The following PITPNC1 variants were observed in gnomAD, a reference collection of about 807,000 sequenced individuals.
The protein encoded by PITPNC1 is phosphatidylinositol transfer protein cytoplasmic 1.
A neutral mutation model predicts 44.7 loss-of-function variants in PITPNC1; 18 were observed. The observed-to-expected ratio is 0.40, with a 90% CI of 0.28 to 0.60. The LOEUF (loss-of-function observed/expected upper bound fraction) is 0.60. PITPNC1 is among the 20% of genes least tolerant of loss of function. The pLI is 0.39. For missense variants in PITPNC1, 290 were observed against 418.4 expected (o/e 0.69, Z 2.68); for synonymous variants, 141 against 149.6 (o/e 0.94, Z 0.42).
intron 1 of PITPNC1, among the ~76,000 whole-genome samples, chr17:67,521,089 G>T: frequency 6.6e-6 from 1 of 151,522 alleles, no homozygotes; most frequent in East Asian, 2.0e-4. Context: ...GCTCCTCCAT[G>T]GTCAAGTACC....
chr17:67,696,626 T>TAAC lies in PITPNC1; in HGVS notation c.*3739_*3741dup, dbSNP rs1219540390. 1 of 152,236 alleles carries TAAC rather than the reference T, an allele frequency of 6.6e-6. No homozygotes were observed. Among genetic ancestry groups the TAAC allele is most frequent in the Non-Finnish European group, 1.5e-5 (1 of 68,032 alleles). The allele number at this position is 152,236 out of a possible 1,614,324, so 9.4% of individuals were successfully genotyped here. A position where few individuals can be genotyped will look rare whatever the true frequency, so the allele number is the denominator to read the frequency against. On this transcript the variant is annotated 3_prime_UTR_variant, in exon 9 of 9. Transcript: ENST00000581322. The stretch of plus-strand genomic sequence containing the variant: ...CAATCTGATTATGAATAAACTATTT[T>TAAC]AACTATTCATTCTTGCTGAAACTGA...
At chr17:67,536,182 T>C (rs1349002644) in intron 2 of PITPNC1, among the ~76,000 whole-genome samples, 1 of 152,100 alleles carries the variant, frequency 6.6e-6, no homozygotes, top group Non-Finnish European at 1.5e-5. Flanking sequence ...ACACAGAAGA[T>C]GGGAGGGTAA....
intron 7 of PITPNC1, among the ~76,000 whole-genome samples, chr17:67,672,968 C>T (rs1409488128): frequency 1.3e-5 from 2 of 152,034 alleles, no homozygotes; most frequent in Non-Finnish European, 2.9e-5. Context: ...GGTTTCCAGC[C>T]GACAGCTGTG....
chr17:67,552,020 G>C (rs1257896659), intron 2 of PITPNC1, among the ~76,000 whole-genome samples: 1 of 152,202 alleles, frequency 6.6e-6, no homozygotes, highest in Non-Finnish European at 1.5e-5. Flanking sequence ...CTGACAGTCT[G>C]ATGGAGTCCC....
At chr17:67,578,508 G>A (rs956784579) in intron 5 of PITPNC1, among the ~76,000 whole-genome samples, 1 of 152,194 alleles carries the variant, frequency 6.6e-6, no homozygotes, top group Non-Finnish European at 1.5e-5. Context: ...CTGACCTGGG[G>A]TGATTGTCAT....
intron 1 of PITPNC1, among the ~76,000 whole-genome samples, chr17:67,528,611 A>G (rs2040420535): frequency 6.6e-6 from 1 of 152,202 alleles, no homozygotes; most frequent in Admixed American, 6.5e-5. Flanking sequence ...ATAAAGGAGG[A>G]AAAAAGAAAC....
chr17:67,664,166 T>C (rs1359022648), intron 6 of PITPNC1, among the ~76,000 whole-genome samples: 3 of 152,174 alleles, frequency 2.0e-5, no homozygotes, highest in Admixed American at 1.3e-4. Context: ...GGTTTCACCA[T>C]ATTGGTCAGG....
chr17:67,453,864 T>C (rs1193227353), intron 1 of PITPNC1, among the ~76,000 whole-genome samples: 3 of 152,216 alleles, frequency 2.0e-5, no homozygotes, highest in Non-Finnish European at 2.9e-5. Context: ...TGATATGCAG[T>C]GGTCTTCCCT....
At chr17:67,579,979 G>T (rs1253441889) in intron 5 of PITPNC1, among the ~76,000 whole-genome samples, 1 of 151,864 alleles carries the variant, frequency 6.6e-6, no homozygotes, top group Non-Finnish European at 1.5e-5. Context: ...CAAACTTGGA[G>T]AATGCAAAAA....
At chr17:67,446,959 G>A (rs747208672) in intron 1 of PITPNC1, among the ~76,000 whole-genome samples, 14 of 151,536 alleles carry the variant, frequency 9.2e-5, no homozygotes, top group Middle Eastern at 3.4e-3. Context: ...GTATGGTGGC[G>A]GGCACCTGTA....
intron 1 of PITPNC1, among the ~76,000 whole-genome samples, chr17:67,409,359 C>T (rs1048327872): frequency 5.9e-5 from 9 of 152,060 alleles, no homozygotes; most frequent in Admixed American, 3.9e-4. Context: ...GCTGGGATTA[C>T]AGGCGTGAGC....
At chr17:67,469,220 C>G (rs2039476744) in intron 1 of PITPNC1, among the ~76,000 whole-genome samples, 1 of 152,132 alleles carries the variant, frequency 6.6e-6, no homozygotes, top group South Asian at 2.1e-4. Context: ...CAGAAACTGT[C>G]TGGGTTCCTG....
At chr17:67,595,284 T>C (rs2041445362) in intron 5 of PITPNC1, among the ~76,000 whole-genome samples, 1 of 152,094 alleles carries the variant, frequency 6.6e-6, no homozygotes, top group Non-Finnish European at 1.5e-5. Flanking sequence ...CTGGCTGGCT[T>C]CCTAATAATG....
At chr17:67,666,972 G>T (rs1160685220) in intron 6 of PITPNC1, among the ~76,000 whole-genome samples, 1 of 152,204 alleles carries the variant, frequency 6.6e-6, no homozygotes, top group Non-Finnish European at 1.5e-5. Context: ...ACACAGTCTG[G>T]TCTGCATTAA....
At chr17:67,656,382 G>A (rs2042268049) in intron 6 of PITPNC1, among the ~76,000 whole-genome samples, 1 of 152,078 alleles carries the variant, frequency 6.6e-6, no homozygotes, top group African/African-American at 2.4e-5. Flanking sequence ...TCTCCTCTGT[G>A]TCTTCTCCTC....
chr17:67,600,382 C>T (rs927604542), intron 5 of PITPNC1, among the ~76,000 whole-genome samples: 2 of 152,114 alleles, frequency 1.3e-5, no homozygotes, highest in African/African-American at 4.8e-5. Context: ...AAGAAAATAA[C>T]TTTGTAGACA....
chr17:67,401,854 A>G (rs12948850), intron 1 of PITPNC1, among the ~76,000 whole-genome samples: 54,000 of 151,832 alleles, frequency 0.36, 10,644 homozygotes, highest in Non-Finnish European at 0.46. Flanking sequence ...AAGAAAAAAA[A>G]AAAAGAAAAG....
chr17:67,640,846 C>T (rs547316584), intron 6 of PITPNC1, among the ~76,000 whole-genome samples: 20 of 151,786 alleles, frequency 1.3e-4, no homozygotes, highest in South Asian at 2.1e-4. Context: ...AAAAATTAGC[C>T]GGGTGTGGTG....
In PITPNC1 at chr17:67,463,751, A is replaced by G. The variant is rs1041874320; in HGVS notation, c.49-69051A>G. On this transcript the variant is annotated intron_variant, in intron 1 of 8. Transcript: ENST00000581322. ...AAACCTATCTCTACAAAAAAATACA[A>G]AAATTAGCTGGGCATGGTGGTGCAC... Among the ~76,000 whole-genome samples, 8 of 151,970 alleles carry G rather than the reference A, an allele frequency of 5.3e-5. No individual in the cohort carries two copies. The East Asian group carries it at 1.4e-3, about 26-fold the overall frequency.
Sources: allele counts gnomAD v4.1 joint callset (sites outside exome capture counted in the v4.1 genomes callset), GRCh38; gene constraint gnomAD v4.1.1; transcripts MANE v1.5; gene names NCBI Gene and HGNC (gene_info 2026-07-23, HGNC 2026-07-21).